FMNL2: variants seen among roughly 807,000 people sequenced by gnomAD.
The protein encoded by FMNL2 is formin like 2, also known as formin-like protein 2.
FMNL2 carries 51 observed loss-of-function variants against 130.2 expected under a neutral mutation model. That is an observed-to-expected ratio of 0.39 (90% CI 0.31 to 0.49). FMNL2 has a LOEUF of 0.49. Ranked by LOEUF, FMNL2 falls within the 20% of genes least tolerant of loss-of-function variation. The pLI is 0.85. For missense variants in FMNL2, 977 were observed against 1,316.2 expected (o/e 0.74, Z 3.99); for synonymous variants, 465 against 467.1 (o/e 1.00, Z 0.06).
rs1050320152 is a variant in FMNL2 at position 152,467,652 on chromosome 2, T to C, written c.118-54291T>C. ...TTATTTTGTTTGTGGAGGATGTAAA[T>C]GATATAGGGTTAATTCTGATTGCCA... On this transcript the variant is annotated intron_variant, in intron 1 of 25. Coordinates refer to ENST00000288670, the MANE Select transcript of FMNL2 (RefSeq NM_052905.4). 7.9e-4 allele frequency among the ~76,000 whole-genome samples: 121 copies of C among 152,316 alleles called. 1 individual carries two copies. Among genetic ancestry groups the C allele is most frequent in the East Asian group, 1.4e-3 (7 of 5,180 alleles).
intron 1 of FMNL2, among the ~76,000 whole-genome samples, chr2:152,495,511 G>A (rs1328063823): frequency 6.6e-6 from 1 of 151,684 alleles, no homozygotes; most frequent in Non-Finnish European, 1.5e-5. Flanking sequence ...TTAGCTGGGT[G>A]TGGTGGCACA....
At chr2:152,409,208 C>G (rs945169677) in intron 1 of FMNL2, among the ~76,000 whole-genome samples, 1 of 152,098 alleles carries the variant, frequency 6.6e-6, no homozygotes, top group Non-Finnish European at 1.5e-5. Context: ...AAATGATTAG[C>G]TCAAATCCGA....
chr2:152,630,515 G>A (rs1682088452), intron 20 of FMNL2, among the ~76,000 whole-genome samples: 1 of 152,186 alleles, frequency 6.6e-6, no homozygotes, highest in African/African-American at 2.4e-5. Context: ...CCTAACTAAT[G>A]TGAATAAGAC....
At chr2:152,579,025 A>G in intron 8 of FMNL2, 61 bp downstream of exon 8, 1 of 1,340,094 alleles carries the variant, frequency 7.5e-7, no homozygotes, top group South Asian at 1.3e-5. Flanking sequence ...GGGCTAGTCA[A>G]CACTTAACCA....
chr2:152,564,181 A>G (rs1003872489), intron 6 of FMNL2, among the ~76,000 whole-genome samples: 5 of 152,148 alleles, frequency 3.3e-5, no homozygotes, highest in Admixed American at 6.5e-5. Context: ...TGAAAAAGAA[A>G]AAGTATATAA....
intron 1 of FMNL2, among the ~76,000 whole-genome samples, chr2:152,413,167 A>G (rs1686416072): frequency 6.6e-6 from 1 of 152,202 alleles, no homozygotes; most frequent in South Asian, 2.1e-4. Context: ...ACACTAGGAC[A>G]CTAGGACAAT....
At chr2:152,589,770 G>A (rs1363671090) in intron 9 of FMNL2, among the ~76,000 whole-genome samples, 1 of 151,438 alleles carries the variant, frequency 6.6e-6, no homozygotes, top group Non-Finnish European at 1.5e-5. Flanking sequence ...CATTTATTTC[G>A]TGAAAGGCCT....
At chr2:152,546,833 C>T (rs1451652203) in intron 3 of FMNL2, among the ~76,000 whole-genome samples, 1 of 152,110 alleles carries the variant, frequency 6.6e-6, no homozygotes, top group Non-Finnish European at 1.5e-5. Flanking sequence ...CAGCAGACTG[C>T]CTGCTCCATT....
chr2:152,589,991 G>GTATGTATATGTATATGTATA (rs1697325999), intron 9 of FMNL2, among the ~76,000 whole-genome samples: 1 of 88,814 alleles, frequency 1.1e-5, no homozygotes, highest in African/African-American at 4.5e-5. Context: ...ATATGTATAT[G>GTATGTATATGTATATGTATA]TATATGTATA....
rs1215066940 is a variant in FMNL2, at chr2:152,649,812, C to CTATT, written c.*1910_*1913dup. ...TCATGGCATATGAGCAAATAATAAA[C>CTATT]TATTTACACTACTATTCTGTAATAT... On this transcript the variant is annotated 3_prime_UTR_variant, in exon 26 of 26. Coordinates refer to ENST00000288670, the MANE Select transcript of FMNL2 (RefSeq NM_052905.4). 1 of 152,590 alleles carries CTATT rather than the reference C, an allele frequency of 6.6e-6. No homozygotes were observed. The highest frequency in any genetic ancestry group is 2.4e-5 in the African/African-American group (1 of 41,438). The allele number at this position is 152,590 out of a possible 1,614,324, so 9.5% of individuals were successfully genotyped here.
At chr2:152,442,164 G>A (rs896004861) in intron 1 of FMNL2, among the ~76,000 whole-genome samples, 8 of 152,210 alleles carry the variant, frequency 5.3e-5, no homozygotes, top group Non-Finnish European at 7.4e-5. Context: ...CCTCCTCAGC[G>A]TCACCTACTG....
rs186617885 is a variant in FMNL2, at chr2:152,492,785, T to C, written c.118-29158T>C. ...AGCAGATCGGTTATCGTTCCTCTAC[T>C]TTGCTTTATTGAACTCCCTAAGTGA... is the stretch of plus-strand genomic sequence containing the variant. On this transcript the variant is annotated intron_variant, in intron 1 of 25. Coordinates refer to ENST00000288670, the MANE Select transcript of FMNL2 (RefSeq NM_052905.4). Among the ~76,000 whole-genome samples the C allele has an allele frequency of 2.1e-3, 322 of 152,356 alleles. 1 individual carries two copies. The highest frequency in any genetic ancestry group is 6.9e-3 in the African/African-American group (287 of 41,584).
At chr2:152,420,057 G>C (rs772372282) in intron 1 of FMNL2, among the ~76,000 whole-genome samples, 4 of 152,160 alleles carry the variant, frequency 2.6e-5, no homozygotes, top group Non-Finnish European at 4.4e-5. Context: ...GTCCCCTGCA[G>C]GCCAGTTTGC....
At chr2:152,473,561 G>A (rs1029025782) in intron 1 of FMNL2, among the ~76,000 whole-genome samples, 1 of 152,080 alleles carries the variant, frequency 6.6e-6, no homozygotes, top group African/African-American at 2.4e-5. Context: ...TACTCACATG[G>A]TGATTGAGAT....
intron 15 of FMNL2, among the ~76,000 whole-genome samples, chr2:152,622,769 C>A (rs1365650738): frequency 2.0e-5 from 3 of 151,242 alleles, no homozygotes; most frequent in African/African-American, 4.9e-5. Context: ...TTGAAGCAGA[C>A]ATCCTGGATT....
chr2:152,623,548 A>G (rs1280612958), intron 15 of FMNL2, among the ~76,000 whole-genome samples: 1 of 152,136 alleles, frequency 6.6e-6, no homozygotes, highest in Non-Finnish European at 1.5e-5. Context: ...CTCTGGAGGA[A>G]TGAGAGGCAC....
At chr2:152,641,437 T>C (rs948049975) in intron 25 of FMNL2, among the ~76,000 whole-genome samples, 1 of 152,266 alleles carries the variant, frequency 6.6e-6, no homozygotes, top group African/African-American at 2.4e-5. Context: ...TGAATTAGCA[T>C]AATGCTATCT....
chr2:152,631,418 G>C (rs904987400), intron 20 of FMNL2, among the ~76,000 whole-genome samples: 16 of 130,362 alleles, frequency 1.2e-4, no homozygotes, highest in Non-Finnish European at 2.5e-4. Flanking sequence ...AAAAAAAATA[G>C]AGCAGTTAAA....
intron 12 of FMNL2, 21 bp from the exon 13 acceptor site, chr2:152,617,070 T>G (rs1698992298): frequency 6.2e-7 from 1 of 1,610,284 alleles, no homozygotes; most frequent in South Asian, 1.1e-5. Flanking sequence ...TTGTGACAGC[T>G]TTCTTTTCAA....
Sources: gnomAD v4.1 joint callset for allele counts (sites outside exome capture counted in the v4.1 genomes callset) on GRCh38, gnomAD v4.1.1 for gene constraint, MANE v1.5 for transcripts, NCBI Gene and HGNC (gene_info 2026-07-23, HGNC 2026-07-21) for gene names.